LAMA2: variants seen among roughly 807,000 people sequenced by gnomAD.
LAMA2 encodes the protein laminin subunit alpha-2.
A neutral mutation model predicts 364.8 loss-of-function variants in LAMA2; 269 were observed. The ratio of observed to expected loss-of-function variants is 0.74; its 90% CI spans 0.67 to 0.82. The LOEUF is 0.82. LAMA2 is among the 40% of genes least tolerant of loss of function. The pLI, the probability that LAMA2 is intolerant of heterozygous loss-of-function variation, is 0.00. For missense variants in LAMA2, 3,807 were observed against 3,873.2 expected, an observed-to-expected ratio of 0.98 and a Z score of 0.45; for synonymous variants, 1,379 against 1,370.6, an observed-to-expected ratio of 1.01 and a Z score of -0.14.
rs569768353 is a variant in LAMA2 at position 129,125,697 on chromosome 6, G to C, written c.640-18204G>C. Among the ~76,000 whole-genome samples the C allele has an allele frequency of 7.6e-4, 116 of 152,136 alleles. 1 individual carries two copies. Among genetic ancestry groups the C allele is most frequent in the Non-Finnish European group, 4.3e-4 (29 of 68,016 alleles). On this transcript the variant is annotated intron_variant, in intron 4 of 64. Transcript: ENST00000421865. ...ACTAAATAAACAGCGTCAGGGCAAGGAGTCCAGGTCCATAAAGAAAAACTT... is the reference window on the plus strand; with the variant it reads ...ACTAAATAAACAGCGTCAGGGCAAGCAGTCCAGGTCCATAAAGAAAAACTT...
intron 12 of LAMA2, among the ~76,000 whole-genome samples, chr6:129,199,033 T>G (rs1053679637): frequency 6.6e-6 from 1 of 152,092 alleles, no homozygotes; most frequent in Admixed American, 6.5e-5. Flanking sequence ...TATAAAATCT[T>G]GACAAGAGGA....
chr6:129,407,827 T>C (rs1477183238), intron 40 of LAMA2, among the ~76,000 whole-genome samples: 1 of 152,166 alleles, frequency 6.6e-6, no homozygotes, highest in African/African-American at 2.4e-5. Flanking sequence ...GATGGTAATA[T>C]TAAGAGATGC....
intron 54 of LAMA2, 117 bp downstream of exon 54, chr6:129,478,930 T>G: frequency 5.5e-6 from 5 of 905,900 alleles, no homozygotes; most frequent in Non-Finnish European, 7.3e-6. Context: ...CTACTGATCC[T>G]ACTCTTAAAC....
In LAMA2 at chr6:129,141,877, TGTGA is replaced by T. The variant is rs368133018; in HGVS notation, c.640-2020_640-2017del. Among the ~76,000 whole-genome samples the T allele has an allele frequency of 6.1e-3, 923 of 151,442 alleles. 8 individuals are homozygous for T. The highest frequency in any genetic ancestry group is 0.022 in the African/African-American group (884 of 40,846). On this transcript the variant is annotated intron_variant, in intron 4 of 64. Transcript: ENST00000421865. ...GTGCATGTTTGTGTGTGTATGTGTG[TGTGA>T]GTGTGAGTGTGTATGTGTATTTTCA... is the stretch of plus-strand genomic sequence containing the variant.
intron 63 of LAMA2, among the ~76,000 whole-genome samples, chr6:129,513,327 G>C (rs953557604): frequency 8.5e-5 from 13 of 152,246 alleles, no homozygotes; most frequent in African/African-American, 3.1e-4. Context: ...GTAAAAAGGA[G>C]TGAACAAATA....
chr6:129,143,469 T>C (rs1419279929), intron 4 of LAMA2, among the ~76,000 whole-genome samples: 1 of 152,086 alleles, frequency 6.6e-6, no homozygotes, highest in Non-Finnish European at 1.5e-5. Flanking sequence ...AGAATTATTT[T>C]AAGTTCCTAA....
At chr6:129,498,998 C>T (rs1461053618) in intron 58 of LAMA2, among the ~76,000 whole-genome samples, 2 of 152,198 alleles carry the variant, frequency 1.3e-5, no homozygotes, top group Non-Finnish European at 2.9e-5. Flanking sequence ...CTAAACAAGG[C>T]TTTGGGAGCA....
chr6:129,137,355 T>G (rs1330101755), intron 4 of LAMA2, among the ~76,000 whole-genome samples: 1 of 152,092 alleles, frequency 6.6e-6, no homozygotes, highest in Non-Finnish European at 1.5e-5. Flanking sequence ...AGAAGGAATA[T>G]TAAGGCACCT....
chr6:129,462,315 C>T (rs1489321544), intron 49 of LAMA2, among the ~76,000 whole-genome samples: 1 of 151,934 alleles, frequency 6.6e-6, no homozygotes, highest in East Asian at 2.0e-4. Context: ...GCTGAAGACA[C>T]CAACCTCAAA....
chr6:128,912,086 T>G lies in LAMA2; in HGVS notation c.112+28729T>G, dbSNP rs1046092873. ...GTTTCCAGTTTTTAATTATCATGAA[T>G]AAAGTTGCTATATACAAGTCATGTA... is the stretch of plus-strand genomic sequence containing the variant. On this transcript the variant is annotated intron_variant, in intron 1 of 64. Transcript: ENST00000421865. Among the ~76,000 whole-genome samples, 3 of 152,336 alleles carry G rather than the reference T, an allele frequency of 2.0e-5. No individual in the cohort carries two copies. In the South Asian group the frequency reaches 6.2e-4, roughly 32 times the overall value.
chr6:129,433,740 A>G (rs1781709492), intron 41 of LAMA2, among the ~76,000 whole-genome samples: 1 of 152,210 alleles, frequency 6.6e-6, no homozygotes, highest in Admixed American at 6.6e-5. Flanking sequence ...AAAACGAAAT[A>G]AACTTAGGTT....
At chr6:128,906,848 A>C (rs1215679705) in intron 1 of LAMA2, among the ~76,000 whole-genome samples, 3 of 150,914 alleles carry the variant, frequency 2.0e-5, no homozygotes, top group African/African-American at 4.9e-5. Flanking sequence ...TCAGCTTTCT[A>C]CATATGGCTA....
At chr6:128,919,170 T>G (rs529792881) in intron 1 of LAMA2, among the ~76,000 whole-genome samples, 76 of 152,334 alleles carry the variant, frequency 5.0e-4, no homozygotes, top group Non-Finnish European at 1.1e-3. Flanking sequence ...TTTCTTCTAT[T>G]TCTCTCTTTG....
At position 129,296,927 on chromosome 6, in the gene LAMA2, C is replaced by A. The variant is rs910547221; in HGVS notation, c.2857-758C>A. On this transcript the variant is annotated intron_variant, in intron 20 of 64. Transcript: ENST00000421865. Reference sequence around the variant, plus strand: ...TAACATGCATTTCAAGAAAGTCAGCCGAAGCTGGTAATGCAAACTTGACCG... The same window carrying A: ...TAACATGCATTTCAAGAAAGTCAGCAGAAGCTGGTAATGCAAACTTGACCG... Among the ~76,000 whole-genome samples the A allele has an allele frequency of 3.9e-5, 6 of 152,018 alleles. No homozygotes were observed. The East Asian group carries it at 9.6e-4, about 24-fold the overall frequency.
intron 35 of LAMA2, among the ~76,000 whole-genome samples, chr6:129,390,578 A>C (rs1047623160): frequency 6.6e-6 from 1 of 152,080 alleles, no homozygotes; most frequent in East Asian, 1.9e-4. Context: ...TTATAGAAAT[A>C]AGTATTCAGC....
At chr6:129,231,511 T>G (rs144281182) in intron 12 of LAMA2, among the ~76,000 whole-genome samples, 37 of 152,236 alleles carry the variant, frequency 2.4e-4, no homozygotes, top group Non-Finnish European at 4.7e-4. Flanking sequence ...TATAAAAATG[T>G]GTCTATGACT....
intron 2 of LAMA2, among the ~76,000 whole-genome samples, chr6:129,053,295 C>T (rs115000394): frequency 0.016 from 2,384 of 152,178 alleles, 78 homozygotes; most frequent in African/African-American, 0.055. Flanking sequence ...GAACTCCAGA[C>T]CTCAGTTGAT....
At chr6:129,343,141 C>T (rs1776360491) in intron 30 of LAMA2, among the ~76,000 whole-genome samples, 1 of 152,038 alleles carries the variant, frequency 6.6e-6, no homozygotes, top group South Asian at 2.1e-4. Context: ...ACCTTTTTGC[C>T]CACACTACCT....
intron 4 of LAMA2, among the ~76,000 whole-genome samples, chr6:129,127,439 T>G (rs1247722067): frequency 1.3e-5 from 2 of 152,232 alleles, no homozygotes; most frequent in Non-Finnish European, 2.9e-5. Flanking sequence ...ATGGACAGGT[T>G]GATTTCAAAA....
Sources: gnomAD v4.1 joint callset for allele counts (sites outside exome capture counted in the v4.1 genomes callset) on GRCh38, gnomAD v4.1.1 for gene constraint, MANE v1.5 for transcripts, NCBI Gene and HGNC (gene_info 2026-07-23, HGNC 2026-07-21) for gene names.